Variants in DNAJC5B observed in about 807,000 individuals in gnomAD.
DNAJC5B encodes the protein DnaJ heat shock protein family (Hsp40) member C5 beta, also known as dnaJ homolog subfamily C member 5B.
In DNAJC5B, 23 loss-of-function variants were observed where a neutral mutation model predicts 24.7. That is an observed-to-expected ratio of 0.93 (90% confidence interval 0.67 to 1.32). The LOEUF is 1.32. DNAJC5B is among the 40% of genes most tolerant of loss of function. The probability of loss-of-function intolerance (pLI) is 0.00; values close to 1 mark genes in which losing one functional copy is unlikely to be tolerated. For missense variants in DNAJC5B, 238 were observed against 240.8 expected (o/e 0.99, Z 0.08); for synonymous variants, 101 against 90.1 (o/e 1.12, Z -0.68).
At chr8:66,041,021 T>C (rs1315910844) in intron 1 of DNAJC5B, among the ~76,000 whole-genome samples, 1 of 109,600 alleles carries the variant, frequency 9.1e-6, no homozygotes, top group Non-Finnish European at 1.7e-5. Context: ...AGTAGCTACA[T>C]CTTAGATAGA....
intron 5 of DNAJC5B, among the ~76,000 whole-genome samples, chr8:66,084,915 A>G (rs1371089173): frequency 6.6e-6 from 1 of 152,060 alleles, no homozygotes; most frequent in Non-Finnish European, 1.5e-5. Context: ...ACTTTCTCCA[A>G]TGTTTTCTAA....
intron 5 of DNAJC5B, among the ~76,000 whole-genome samples, chr8:66,098,845 T>C (rs1761983136): frequency 6.6e-6 from 1 of 152,138 alleles, no homozygotes; most frequent in South Asian, 2.1e-4. Flanking sequence ...TTTATTTAAT[T>C]ACTTTTAAAA....
intron 5 of DNAJC5B, among the ~76,000 whole-genome samples, chr8:66,093,210 A>G (rs1488585008): frequency 6.6e-6 from 1 of 152,154 alleles, no homozygotes; most frequent in Non-Finnish European, 1.5e-5. Flanking sequence ...ATGTTCTTGC[A>G]TGTATTTTCT....
At chr8:66,075,651 A>T (rs1807445961) in intron 3 of DNAJC5B, among the ~76,000 whole-genome samples, 2 of 152,294 alleles carry the variant, frequency 1.3e-5, no homozygotes, top group African/African-American at 4.8e-5. Flanking sequence ...TTTGATTTTT[A>T]AAAATTTATT....
intron 3 of DNAJC5B, among the ~76,000 whole-genome samples, chr8:66,058,609 C>G (rs1362635325): frequency 6.6e-6 from 1 of 152,218 alleles, no homozygotes; most frequent in African/African-American, 2.4e-5. Flanking sequence ...TCAGTATCTC[C>G]AGTTCTTCAT....
At chr8:66,071,948 G>A (rs932802324) in intron 3 of DNAJC5B, among the ~76,000 whole-genome samples, 2 of 148,852 alleles carry the variant, frequency 1.3e-5, no homozygotes. Context: ...CTATCACAAG[G>A]ACAGAAAACC....
chr8:66,049,281 T>C (rs1806793997), intron 2 of DNAJC5B, among the ~76,000 whole-genome samples: 1 of 152,250 alleles, frequency 6.6e-6, no homozygotes, highest in Non-Finnish European at 1.5e-5. Flanking sequence ...ACAAACCTAC[T>C]GCATTGCCTG....
At chr8:66,075,653 A>C (rs1807446942) in intron 3 of DNAJC5B, among the ~76,000 whole-genome samples, 1 of 152,182 alleles carries the variant, frequency 6.6e-6, no homozygotes, top group African/African-American at 2.4e-5. Flanking sequence ...TGATTTTTAA[A>C]AATTTATTCT....
chr8:66,079,144 C>T (rs905370752), intron 4 of DNAJC5B, among the ~76,000 whole-genome samples: 13 of 152,160 alleles, frequency 8.5e-5, no homozygotes, highest in African/African-American at 3.1e-4. Context: ...AAACAGCGAG[C>T]AAACCTTTCA....
At chr8:66,034,929 A>G (rs1806448967) in intron 1 of DNAJC5B, among the ~76,000 whole-genome samples, 1 of 152,220 alleles carries the variant, frequency 6.6e-6, no homozygotes, top group African/African-American at 2.4e-5. Context: ...GTCATTTTAC[A>G]CATAGATAAC....
chr8:66,037,365 G>T (rs934840483), intron 1 of DNAJC5B, among the ~76,000 whole-genome samples: 4 of 152,164 alleles, frequency 2.6e-5, no homozygotes, highest in African/African-American at 7.2e-5. Flanking sequence ...GAGAGGCTTC[G>T]TGGGTGCTGG....
At chr8:66,065,321 A>G (rs944414861) in intron 3 of DNAJC5B, among the ~76,000 whole-genome samples, 1 of 152,262 alleles carries the variant, frequency 6.6e-6, no homozygotes, top group Admixed American at 6.5e-5. Context: ...TGAGAAAATC[A>G]TAGGATTGTG....
chr8:66,073,016 GT>G (rs892645772), intron 3 of DNAJC5B, among the ~76,000 whole-genome samples: 162 of 152,218 alleles, frequency 1.1e-3, no homozygotes, highest in African/African-American at 3.0e-3. Context: ...CGTACTTGGG[GT>G]GGGGGGTCTT....
chr8:66,096,398 A>G (rs1807954097), intron 5 of DNAJC5B, among the ~76,000 whole-genome samples: 2 of 152,220 alleles, frequency 1.3e-5, no homozygotes, highest in Admixed American at 6.5e-5. Flanking sequence ...TGTCCATAAC[A>G]TAGTCCTTTT....
intron 2 of DNAJC5B, among the ~76,000 whole-genome samples, chr8:66,046,983 G>A (rs1261164838): frequency 6.6e-6 from 1 of 152,196 alleles, no homozygotes; most frequent in East Asian, 1.9e-4. Flanking sequence ...CCTTGTGGGT[G>A]GATCTCAGGG....
chr8:66,077,967 A>G (rs1807507643), intron 4 of DNAJC5B, among the ~76,000 whole-genome samples: 1 of 151,894 alleles, frequency 6.6e-6, no homozygotes, highest in Non-Finnish European at 1.5e-5. Context: ...GAGTGTACAC[A>G]CCGACAATGT....
At chr8:66,054,297 T>C (rs1806916833) in intron 3 of DNAJC5B, among the ~76,000 whole-genome samples, 1 of 152,162 alleles carries the variant, frequency 6.6e-6, no homozygotes, top group Non-Finnish European at 1.5e-5. Flanking sequence ...ATTAGGCAAA[T>C]TTGTTAGTCA....
intron 4 of DNAJC5B, among the ~76,000 whole-genome samples, chr8:66,077,232 T>C (rs574518365): frequency 6.6e-6 from 1 of 152,352 alleles, no homozygotes; most frequent in East Asian, 1.9e-4. Flanking sequence ...AGCCATGTCC[T>C]TTTCTATCTA....
rs528372379 is a variant in DNAJC5B, at chr8:66,042,025, G to A, written c.-141-1463G>A. On this transcript the variant is annotated intron_variant, in intron 1 of 5. Coordinates refer to ENST00000276570, the MANE Select transcript of DNAJC5B (RefSeq NM_033105.6). ...CTCTGCCCAGTTGTTTTTGTTCAGG[G>A]AAGCTTTCTCTAATCTTCCTCTGTT... Among the ~76,000 whole-genome samples the A allele has an allele frequency of 2.2e-4, 34 of 152,180 alleles. 1 individual carries two copies. Among genetic ancestry groups the A allele is most frequent in the Admixed American group, 2.1e-3 (32 of 15,278 alleles).
Sources: gnomAD v4.1 joint callset for allele counts (sites outside exome capture counted in the v4.1 genomes callset) on GRCh38, gnomAD v4.1.1 for gene constraint, MANE v1.5 for transcripts, NCBI Gene and HGNC (gene_info 2026-07-23, HGNC 2026-07-21) for gene names.